The following DYM variants were observed in gnomAD, a reference collection of about 807,000 sequenced individuals.
The protein encoded by DYM is dymeclin, also known as dyggve-Melchior-Clausen syndrome protein.
In DYM, 78 loss-of-function variants were observed where a neutral mutation model predicts 93.1. The ratio of observed to expected loss-of-function variants is 0.84; its 90% CI spans 0.70 to 1.01. The LOEUF (loss-of-function observed/expected upper bound fraction) is 1.01, where lower values mean the gene tolerates loss of function less well. Among genes scored for constraint, DYM ranks in the 50% least tolerant of loss-of-function variants. The pLI, the probability that DYM is intolerant of heterozygous loss-of-function variation, is 0.00. For missense variants in DYM, 789 were observed against 845.0 expected (o/e 0.93, Z 0.82); for synonymous variants, 321 against 319.7 (o/e 1.00, Z -0.04).
intron 14 of DYM, among the ~76,000 whole-genome samples, chr18:49,180,690 T>C (rs1473839660): frequency 2.6e-5 from 4 of 152,150 alleles, no homozygotes; most frequent in Non-Finnish European, 4.4e-5. Context: ...GAAAGGAATA[T>C]AGGCTAATTC....
intron 13 of DYM, among the ~76,000 whole-genome samples, chr18:49,220,134 T>C (rs1415146509): frequency 6.6e-6 from 1 of 152,168 alleles, no homozygotes; most frequent in Non-Finnish European, 1.5e-5. Flanking sequence ...AGCCAAATCA[T>C]GAGTGAACTC....
chr18:49,080,432 G>A (rs1236275844), intron 17 of DYM, among the ~76,000 whole-genome samples: 2 of 131,402 alleles, frequency 1.5e-5, no homozygotes, highest in Non-Finnish European at 3.3e-5. Context: ...GCCCGGCAGA[G>A]GGGCTCCTCA....
At chr18:49,292,611 A>AAACAAAAC (rs2060227741) in intron 8 of DYM, among the ~76,000 whole-genome samples, 2 of 140,376 alleles carry the variant, frequency 1.4e-5, no homozygotes, top group African/African-American at 5.5e-5. Context: ...AAAAAAAAAA[A>AAACAAAAC]AAAAAAAAAA....
chr18:49,190,631 A>G (rs1004106586), intron 14 of DYM, among the ~76,000 whole-genome samples: 2 of 152,220 alleles, frequency 1.3e-5, no homozygotes, highest in East Asian at 3.8e-4. Context: ...GAACGAACTT[A>G]AAAGTGAACA....
In DYM at chr18:49,327,502, G is replaced by A. The variant is rs183101987; in HGVS notation, c.763+4362C>T. 2.8e-4 allele frequency among the ~76,000 whole-genome samples: 43 copies of A among 151,984 alleles called. 1 individual carries two copies. The highest frequency in any genetic ancestry group is 2.0e-3 in the Admixed American group (30 of 15,272). On this transcript the variant is annotated intron_variant, in intron 8 of 17. Transcript: ENST00000675505. Reference sequence around the variant, plus strand: ...CTCCTAAGTAGCGGGGTCTGCAGGCGCGCACCACCACGTCCAGCTAATTTT... The same window carrying A: ...CTCCTAAGTAGCGGGGTCTGCAGGCACGCACCACCACGTCCAGCTAATTTT...
Position 49,217,878 on chromosome 18 carries a change from C to T in DYM, c.1461-8163G>A, listed in dbSNP as rs199850772. Reference sequence around the variant, plus strand: ...GCAAGATAACCAGCTAACATCATAACCACAGGATCAAATTCACACATAACA... The same window carrying T: ...GCAAGATAACCAGCTAACATCATAATCACAGGATCAAATTCACACATAACA... On this transcript the variant is annotated intron_variant, in intron 13 of 17. Coordinates refer to ENST00000675505, the MANE Select transcript of DYM (RefSeq NM_001353214.3). Among the ~76,000 whole-genome samples, 373 of 152,234 alleles carry T rather than the reference C, an allele frequency of 2.5e-3. 6 individuals carry two copies. The East Asian group carries it at 0.035, about 14-fold the overall frequency.
At chr18:49,181,826 T>A (rs1260459187) in intron 14 of DYM, among the ~76,000 whole-genome samples, 1 of 152,120 alleles carries the variant, frequency 6.6e-6, no homozygotes, top group Non-Finnish European at 1.5e-5. Context: ...TTCCTGCTTT[T>A]TATTATTTTT....
intron 13 of DYM, among the ~76,000 whole-genome samples, chr18:49,229,358 C>T (rs2093633446): frequency 6.6e-6 from 1 of 151,798 alleles, no homozygotes; most frequent in Non-Finnish European, 1.5e-5. Context: ...TAAATGTTTG[C>T]AAAACAACAT....
intron 6 of DYM, among the ~76,000 whole-genome samples, chr18:49,351,010 A>G (rs572222734): frequency 6.6e-6 from 1 of 152,332 alleles, no homozygotes; most frequent in African/African-American, 2.4e-5. Context: ...TTAAATCTAC[A>G]AAGTCCAGTA....
chr18:49,328,170 A>C (rs149871510), intron 8 of DYM, among the ~76,000 whole-genome samples: 479 of 152,362 alleles, frequency 3.1e-3, no homozygotes, highest in African/African-American at 0.011. Flanking sequence ...GTGGCACTGT[A>C]AACTCATATT....
At chr18:49,197,734 T>C (rs1486821857) in intron 14 of DYM, among the ~76,000 whole-genome samples, 2 of 152,004 alleles carry the variant, frequency 1.3e-5, no homozygotes, top group African/African-American at 4.8e-5. Context: ...TAAAAGAGGA[T>C]ACAAACAAAT....
Position 49,451,216 on chromosome 18 carries a change from G to C in DYM, c.-54+9182C>G, listed in dbSNP as rs1394489376. On this transcript the variant is annotated intron_variant, in intron 1 of 17. Transcript: ENST00000675505. ...GAAGCATGATTGTTTCTCTCTGCCT[G>C]GTTCCTCTAATCTGTGAGAACTCTT... 2.0e-5 allele frequency among the ~76,000 whole-genome samples: 3 copies of C among 152,132 alleles called. No homozygotes were observed. In the East Asian group the frequency reaches 5.8e-4, roughly 29 times the overall value.
At chr18:49,229,546 G>C (rs2093636857) in intron 13 of DYM, among the ~76,000 whole-genome samples, 1 of 152,066 alleles carries the variant, frequency 6.6e-6, no homozygotes, top group African/African-American at 2.4e-5. Context: ...TTGTCATTAG[G>C]GAAATGCAAA....
chr18:49,333,559 C>T (rs1259418066), intron 7 of DYM, among the ~76,000 whole-genome samples, 169 bp downstream of exon 7: 1 of 152,036 alleles, frequency 6.6e-6, no homozygotes, highest in Non-Finnish European at 1.5e-5. Context: ...GGGTAGATGG[C>T]ACAGGAAAGT....
intron 17 of DYM, among the ~76,000 whole-genome samples, chr18:49,077,859 C>T (rs2077437525): frequency 6.6e-6 from 1 of 151,710 alleles, no homozygotes; most frequent in Admixed American, 6.6e-5. Flanking sequence ...ATATCCTTTG[C>T]AGACAGTATA....
intron 11 of DYM, among the ~76,000 whole-genome samples, chr18:49,260,599 A>C (rs1336421641): frequency 1.3e-5 from 2 of 152,240 alleles, no homozygotes; most frequent in East Asian, 3.8e-4. Flanking sequence ...ACATTCTCGC[A>C]AGATTAATGA....
At position 49,041,649 on chromosome 18, in the gene DYM, A is replaced by C. The variant is rs1013698848; in HGVS notation, c.*2406T>G. The C allele has an allele frequency of 7.9e-5, 12 of 152,256 alleles. No individual in the cohort carries two copies. Among genetic ancestry groups the C allele is most frequent in the African/African-American group, 2.9e-4 (12 of 41,468 alleles). The allele number at this position is 152,256 out of a possible 1,614,324, so 9.4% of individuals were successfully genotyped here. A position where few individuals can be genotyped will look rare whatever the true frequency, so the allele number is the denominator to read the frequency against. On this transcript the variant is annotated 3_prime_UTR_variant, in exon 18 of 18. Coordinates refer to ENST00000675505, the MANE Select transcript of DYM (RefSeq NM_001353214.3). ...AGGCCTCCATGGAGGCTGCTGCCCC[A>C]GCTGAGCTGTTAGCTAGTGAGTGCT...
chr18:49,192,342 T>C (rs952678078), intron 14 of DYM, among the ~76,000 whole-genome samples: 27 of 152,186 alleles, frequency 1.8e-4, no homozygotes, highest in Admixed American at 1.4e-3. Context: ...ATAAATATCA[T>C]TGTCCAGACA....
chr18:49,126,268 C>T (rs1040770273), intron 15 of DYM: 1 of 152,128 alleles, frequency 6.6e-6, no homozygotes, highest in African/African-American at 2.4e-5. Flanking sequence ...CCAAGCAGAT[C>T]ATGAAATAAT....
Sources: allele counts gnomAD v4.1 joint callset (sites outside exome capture counted in the v4.1 genomes callset), GRCh38; gene constraint gnomAD v4.1.1; transcripts MANE v1.5; gene names NCBI Gene and HGNC (gene_info 2026-07-23, HGNC 2026-07-21).